DIP2A: variants seen among roughly 807,000 people sequenced by gnomAD.
DIP2A encodes disco-interacting protein 2 homolog A.
Under a neutral mutation model 177.4 loss-of-function variants are expected in DIP2A, and 85 were observed. That is an observed-to-expected ratio of 0.48 (90% CI 0.40 to 0.57). The LOEUF (loss-of-function observed/expected upper bound fraction) is 0.57. Ranked by LOEUF, DIP2A falls within the 20% of genes least tolerant of loss-of-function variation. DIP2A has a pLI of 0.00. For synonymous variants in DIP2A, 886 were observed against 881.8 expected (o/e 1.00, Z -0.08); for missense variants, 1,791 against 2,100.2 (o/e 0.85, Z 2.88).
intron 21 of DIP2A, among the ~76,000 whole-genome samples, chr21:46,547,888 T>C (rs1332569065): frequency 6.6e-6 from 1 of 152,048 alleles, no homozygotes; most frequent in African/African-American, 2.4e-5. Flanking sequence ...CAAGCTGCTC[T>C]CGAACTCCTG....
intron 8 of DIP2A, among the ~76,000 whole-genome samples, chr21:46,528,091 T>C (rs1236515095): frequency 6.6e-6 from 1 of 152,072 alleles, no homozygotes; most frequent in East Asian, 1.9e-4. Flanking sequence ...TGGCGTGAGG[T>C]CCTGATGGCT....
intron 8 of DIP2A, among the ~76,000 whole-genome samples, chr21:46,517,248 T>G (rs2058627175): frequency 6.6e-6 from 1 of 151,822 alleles, no homozygotes; most frequent in Non-Finnish European, 1.5e-5. Context: ...TCTTTCTTAT[T>G]TTCTTTTTTT....
chr21:46,481,373 G>A (rs2056333293), intron 1 of DIP2A, among the ~76,000 whole-genome samples: 1 of 152,116 alleles, frequency 6.6e-6, no homozygotes, highest in Non-Finnish European at 1.5e-5. Flanking sequence ...TTGACATCTG[G>A]GTTGTTTCTA....
intron 32 of DIP2A, among the ~76,000 whole-genome samples, chr21:46,559,911 C>G (rs1444338610): frequency 6.6e-6 from 1 of 152,192 alleles, no homozygotes; most frequent in Non-Finnish European, 1.5e-5. Flanking sequence ...CTTCCCCCTC[C>G]CATGAGTTCA....
intron 1 of DIP2A, 145 bp from the exon 2 acceptor site, chr21:46,484,612 T>G (rs2056568563): frequency 3.1e-6 from 2 of 643,356 alleles, no homozygotes; most frequent in African/African-American, 1.9e-5. Context: ...GGTATTCCAT[T>G]TTATGGGTCC....
intron 21 of DIP2A, among the ~76,000 whole-genome samples, chr21:46,549,126 T>TTG (rs142993944): frequency 1.7e-3 from 255 of 150,926 alleles, no homozygotes; most frequent in African/African-American, 5.3e-3. Context: ...GTTGTGTAAA[T>TTG]TGTGTGTGTG....
rs145832866 is a variant in DIP2A, at chr21:46,557,321, C to T, written c.3629+252C>T. On this transcript the variant is annotated intron_variant, in intron 30 of 37. Coordinates refer to ENST00000417564, the MANE Select transcript of DIP2A (RefSeq NM_015151.4). This position sits in a 1 kb window ranked among gnomAD's most constrained non-coding sequence, Gnocchi z 6.0. ...GATTCCTTCAAACACTAGAAAGTGGCGATCCGTCTCTAGAAGTGAATGCCT... is the reference window on the plus strand; with the variant it reads ...GATTCCTTCAAACACTAGAAAGTGGTGATCCGTCTCTAGAAGTGAATGCCT... The T allele has an allele frequency of 2.1e-5, 13 of 619,146 alleles. No homozygotes were observed. Among genetic ancestry groups the T allele is most frequent in the African/African-American group, 1.1e-4 (6 of 54,510 alleles). The allele number at this position is 619,146 out of a possible 1,614,324, so 38.4% of individuals were successfully genotyped here. A position where few individuals can be genotyped will look rare whatever the true frequency, so the allele number is the denominator to read the frequency against.
intron 8 of DIP2A, among the ~76,000 whole-genome samples, chr21:46,522,736 A>G (rs1204337935): frequency 6.6e-6 from 1 of 152,190 alleles, no homozygotes; most frequent in Non-Finnish European, 1.5e-5. Flanking sequence ...AAAACAGAGC[A>G]GAGCCTTAGA....
At chr21:46,469,076 A>G (rs2148301282) in intron 1 of DIP2A, 1 of 151,610 alleles carries the variant, frequency 6.6e-6, no homozygotes, top group Admixed American at 6.6e-5. Context: ...TCATTGTATC[A>G]CTCTTGTAGG....
Position 46,472,168 on chromosome 21 carries a change from A to G in DIP2A, c.92-12589A>G, listed in dbSNP as rs555901849. On this transcript the variant is annotated intron_variant, in intron 1 of 37. Transcript: ENST00000417564. The stretch of plus-strand genomic sequence containing the variant: ...CCTTATAAGAAGAGGAGGAGACACC[A>G]GGGATATTTGTGCATAGAAAGGCCA... 5.9e-5 allele frequency among the ~76,000 whole-genome samples: 9 copies of G among 152,320 alleles called. No homozygotes were observed. In the East Asian group the frequency reaches 1.4e-3, roughly 23 times the overall value.
chr21:46,467,823 T>C (rs1019752443), intron 1 of DIP2A, among the ~76,000 whole-genome samples: 1 of 152,034 alleles, frequency 6.6e-6, no homozygotes, highest in African/African-American at 2.4e-5. Context: ...TTTAAAAATA[T>C]CAATGCCAGC....
At position 46,565,791 on chromosome 21, in the gene DIP2A, A is replaced by G. The variant is rs1223919475; in HGVS notation, c.4243A>G (p.Ser1415Gly). ...GGAGGCGCTTCATGCCGACCACTTC[A>G]GTGCCCGGCTGAGTTTTGGAGACAC... Reference protein sequence around the residue: ...GEEALHADHFSARLSFGDTQT... With the variant: ...GEEALHADHFGARLSFGDTQT... Residue 1415 changes from serine (S) to glycine (G), a missense_variant, in exon 36 of 38, where the codon AGT becomes GGT. Coordinates refer to ENST00000417564, the MANE Select transcript of DIP2A (RefSeq NM_015151.4). 6.2e-7 allele frequency: 1 copy of G among 1,614,004 alleles called. No homozygotes were observed.
At chr21:46,521,870 TTAATC>T (rs1194582114) in intron 8 of DIP2A, among the ~76,000 whole-genome samples, 2 of 152,232 alleles carry the variant, frequency 1.3e-5, no homozygotes, top group African/African-American at 4.8e-5. Flanking sequence ...CTTTAACCCT[TTAATC>T]TAGGCAAAAA....
chr21:46,554,916 C>T lies in DIP2A; in HGVS notation c.3371C>T (p.Pro1124Leu). 6.4e-7 allele frequency: 1 copy of T among 1,552,420 alleles called. No individual in the cohort carries two copies. Among genetic ancestry groups the T allele is most frequent in the Non-Finnish European group, 8.7e-7 (1 of 1,148,012 alleles). Residue 1124 changes from proline (P) to leucine (L), a missense_variant, in exon 28 of 38, where the codon CCC becomes CTC. Physicochemically the swap from Pro to Leu is moderately conservative, Grantham distance 98 (BLOSUM62 -3). Coordinates refer to ENST00000417564, the MANE Select transcript of DIP2A (RefSeq NM_015151.4). ...GCTGCCGTGGACATCAGGACCTGGC[C>T]CACCATCCTAGACACAGGTGCGTGT... ...AAAAVDIRTW[P>L]TILDTDDIPK...
Position 46,557,592 on chromosome 21 carries a change from T to C in DIP2A, c.3637T>C (p.Ser1213Pro). The C allele has an allele frequency of 6.2e-7, 1 of 1,611,638 alleles. No individual in the cohort carries two copies. ...FALWCLCSVY[S>P]GHQSVLVPPL... is the part of the protein sequence containing the mutation. ...GAGCCTTCCCTCTCGCAGTGTCTAC[T>C]CGGGACACCAATCAGTGCTGGTGCC... The change falls in exon 31 of 38, where the codon TCG becomes CCG. Residue 1213 changes from serine (S) to proline (P), a missense_variant. Transcript: ENST00000417564. The surrounding 1 kb of genome is among the most constrained non-coding windows in gnomAD (Gnocchi z 6.0).
chr21:46,489,994 A>G (rs1458623968), intron 2 of DIP2A, among the ~76,000 whole-genome samples: 1 of 152,144 alleles, frequency 6.6e-6, no homozygotes, highest in African/African-American at 2.4e-5. Flanking sequence ...TTGGAGGCGG[A>G]GCAAGTGGGT....
chr21:46,527,471 T>G lies in DIP2A; in HGVS notation c.1103-1621T>G, dbSNP rs184209407. ...CTCCTGAGTAGTTGGGATTACAGTG[T>G]GTGCCACCACTCCCAGATAATTTTT... On this transcript the variant is annotated intron_variant, in intron 8 of 37. Transcript: ENST00000417564. Among the ~76,000 whole-genome samples the G allele has an allele frequency of 2.6e-3, 397 of 151,820 alleles. 3 individuals are homozygous for G. The highest frequency in any genetic ancestry group is 8.7e-3 in the African/African-American group (361 of 41,398).
Position 46,537,257 on chromosome 21 carries a change from G to T in DIP2A, c.1676G>T (p.Arg559Met). The change falls in exon 14 of 38, where the codon AGG becomes ATG. Residue 559 changes from arginine (R) to methionine (M), a missense_variant. Physicochemically the swap from Arg to Met is moderately conservative, Grantham distance 91 (BLOSUM62 -1). Transcript: ENST00000417564. The surrounding 1 kb of genome is among the most constrained non-coding windows in gnomAD (Gnocchi z 4.1). ...ETLTNVLDFK[R>M]DAGLWHGVLT... ...TTAACAAACGTGCTGGATTTCAAAA[G>T]GGATGCTGGTCTGTGGCATGGCGTG... is the stretch of plus-strand genomic sequence containing the variant. The T allele has an allele frequency of 1.2e-6, 2 of 1,614,054 alleles. No homozygotes were observed. The highest frequency in any genetic ancestry group is 1.7e-6 in the Non-Finnish European group (2 of 1,179,900).
rs2054024863 is a variant in DIP2A, at chr21:46,458,994, C to G, written c.-138C>G. The G allele has an allele frequency of 1.5e-6, 1 of 680,596 alleles. No individual in the cohort carries two copies. Among genetic ancestry groups the G allele is most frequent in the Admixed American group, 4.4e-5 (1 of 22,828 alleles). 42.2% of individuals were successfully genotyped at this position (680,596 alleles called of 1,614,324 possible). ...GGTGCGTTGCTGTCCTGGCCGCGCC[C>G]CTGTCCCGCCGCCTCCCGCTCCTCG... is the stretch of plus-strand genomic sequence containing the variant. On this transcript the variant is annotated 5_prime_UTR_variant, in exon 1 of 38. Transcript: ENST00000417564.
Sources: allele counts gnomAD v4.1 joint callset (sites outside exome capture counted in the v4.1 genomes callset), GRCh38; gene constraint gnomAD v4.1.1; non-coding constraint Gnocchi (gnomAD v3.1); transcripts MANE v1.5; gene names NCBI Gene and HGNC (gene_info 2026-07-23, HGNC 2026-07-21).